Variants in PEX16 observed in about 807,000 individuals in gnomAD.
The protein encoded by PEX16 is peroxin 16.
In PEX16, 37 loss-of-function variants were observed where a neutral mutation model predicts 50.5. The ratio of observed to expected loss-of-function variants is 0.73; its 90% CI spans 0.56 to 0.96. The LOEUF (loss-of-function observed/expected upper bound fraction) is 0.96. PEX16 is among the 40% of genes least tolerant of loss of function. The pLI is 0.00. For missense variants in PEX16, 401 were observed against 438.3 expected (o/e 0.91, Z 0.76); for synonymous variants, 185 against 190.3 (o/e 0.97, Z 0.23).
At position 45,909,983 on chromosome 11, in the gene PEX16, A is replaced by C. The variant is rs1484702154; in HGVS notation, c.*271T>G. On this transcript the variant is annotated 3_prime_UTR_variant, in exon 11 of 11. Coordinates refer to ENST00000378750, the MANE Select transcript of PEX16 (RefSeq NM_004813.4). The stretch of plus-strand genomic sequence containing the variant: ...TTCCCGGGCTCCATGAGGTGAAGTC[A>C]CCGCTTTCTGTGGGAGAGGAGCCTG... 12 of 1,058,364 alleles carry C rather than the reference A, an allele frequency of 1.1e-5. No individual in the cohort carries two copies. In the Admixed American group the frequency reaches 2.1e-4, roughly 18 times the overall value. 65.6% of individuals were successfully genotyped at this position (1,058,364 alleles called of 1,614,324 possible).
At chr11:45,911,052 G>T in intron 9 of PEX16, 90 bp from the exon 10 acceptor site, 1 of 887,356 alleles carries the variant, frequency 1.1e-6, no homozygotes, top group Non-Finnish European at 1.9e-6. Flanking sequence ...ACTGACCACC[G>T]TGCCGAATGC....
chr11:45,917,850 C>T lies in PEX16; in HGVS notation c.-39G>A, dbSNP rs1185968115. The stretch of plus-strand genomic sequence containing the variant: ...CCGACAGACCCACAGAAGGACCGTA[C>T]GACAGGCTGCGGCGCCCTGCTTCCT... On this transcript the variant is annotated 5_prime_UTR_variant, in exon 1 of 11. Coordinates refer to ENST00000378750, the MANE Select transcript of PEX16 (RefSeq NM_004813.4). The T allele has an allele frequency of 5.0e-6, 7 of 1,412,660 alleles. No homozygotes were observed. The highest frequency in any genetic ancestry group is 6.8e-6 in the Non-Finnish European group (7 of 1,034,654). The allele number at this position is 1,412,660 out of a possible 1,614,324, so 87.5% of individuals were successfully genotyped here.
Position 45,914,697 on chromosome 11 carries a change from G to A in PEX16, c.461-13C>T. On this transcript the variant is annotated splice_polypyrimidine_tract_variant and intron_variant, in intron 5 of 10. Coordinates refer to ENST00000378750, the MANE Select transcript of PEX16 (RefSeq NM_004813.4). ...CTGTGGTCACCATCTAGCAGGGATAGACAGAAGGCCATACAGTCAGAGGGA... is the reference window on the plus strand; with the variant it reads ...CTGTGGTCACCATCTAGCAGGGATAAACAGAAGGCCATACAGTCAGAGGGA... 1 of 1,610,354 alleles carries A rather than the reference G, an allele frequency of 6.2e-7. No homozygotes were observed.
Position 45,914,693 on chromosome 11 carries a change from G to C in PEX16, c.461-9C>G, listed in dbSNP as rs753312075. On this transcript the variant is annotated splice_polypyrimidine_tract_variant and intron_variant, in intron 5 of 10. Transcript: ENST00000378750. Reference sequence around the variant, plus strand: ...AGGGCTGTGGTCACCATCTAGCAGGGATAGACAGAAGGCCATACAGTCAGA... The same window carrying C: ...AGGGCTGTGGTCACCATCTAGCAGGCATAGACAGAAGGCCATACAGTCAGA... 6.2e-7 allele frequency: 1 copy of C among 1,612,588 alleles called. No homozygotes were observed. The highest frequency in any genetic ancestry group is 1.7e-5 in the Admixed American group (1 of 60,030).
Position 45,910,130 on chromosome 11 carries a change from G to A in PEX16, c.*124C>T, listed in dbSNP as rs1383340142. The A allele has an allele frequency of 1.2e-6, 2 of 1,611,826 alleles. No individual in the cohort carries two copies. Among genetic ancestry groups the A allele is most frequent in the Non-Finnish European group, 1.7e-6 (2 of 1,179,912 alleles). ...AGGAACGCTGGTGGCGACCAGGGCT[G>A]TGTGTGGGGCCTGGCCGGTAGGCAC... is the stretch of plus-strand genomic sequence containing the variant. On this transcript the variant is annotated 3_prime_UTR_variant, in exon 11 of 11. Coordinates refer to ENST00000378750, the MANE Select transcript of PEX16 (RefSeq NM_004813.4).
Position 45,910,201 on chromosome 11 carries a change from G to C in PEX16, c.*53C>G, listed in dbSNP as rs369974509. The C allele has an allele frequency of 4.5e-5, 73 of 1,612,900 alleles. No individual in the cohort carries two copies. Among genetic ancestry groups the C allele is most frequent in the Admixed American group, 2.5e-4 (15 of 60,012 alleles). On this transcript the variant is annotated 3_prime_UTR_variant, in exon 11 of 11. Transcript: ENST00000378750. Reference sequence around the variant, plus strand: ...CGCTGCCGGAGTCAGTTTTATTAGGGAAGAGGGGCTCCCTGCCCCACCCCT... The same window carrying C: ...CGCTGCCGGAGTCAGTTTTATTAGGCAAGAGGGGCTCCCTGCCCCACCCCT...
intron 2 of PEX16, 98 bp from the exon 3 acceptor site, chr11:45,916,401 C>T (rs1565082315): frequency 1.1e-6 from 1 of 915,246 alleles, no homozygotes; most frequent in Non-Finnish European, 1.8e-6. Flanking sequence ...ACATGCTCTG[C>T]TCAGACACCC....
upstream of PEX16, chr11:45,918,037 G>A (rs1018784825): frequency 1.5e-5 from 9 of 608,698 alleles, no homozygotes; most frequent in Non-Finnish European, 2.7e-5. Context: ...CCCAAACCCG[G>A]CCCCCTACTC....
upstream of PEX16, chr11:45,918,423 T>C: frequency 5.7e-6 from 1 of 174,316 alleles, no homozygotes; most frequent in Non-Finnish European, 1.3e-5. Context: ...CTGGGGAAAC[T>C]GAGGCAGTAA....
intron 1 of PEX16, 40 bp from the exon 2 acceptor site, chr11:45,917,533 G>A (rs1285234930): frequency 1.9e-6 from 3 of 1,610,588 alleles, no homozygotes; most frequent in South Asian, 1.1e-5. Flanking sequence ...GTGAGCATCT[G>A]CCTCACATTT....
chr11:45,914,209 G>A lies in PEX16; in HGVS notation c.695-6C>T, dbSNP rs372182266. The A allele has an allele frequency of 4.6e-4, 735 of 1,613,262 alleles. No homozygotes were observed. Among genetic ancestry groups the A allele is most frequent in the Non-Finnish European group, 5.8e-4 (688 of 1,179,746 alleles). On this transcript the variant is annotated splice_region_variant and splice_polypyrimidine_tract_variant and intron_variant, in intron 7 of 10. Coordinates refer to ENST00000378750, the MANE Select transcript of PEX16 (RefSeq NM_004813.4). ...CCACAGGCCCAGGCTGAGCACTGAC[G>A]GCCAAGGCGTCAAGGATGTCTCCAG... is the stretch of plus-strand genomic sequence containing the variant.
chr11:45,910,260 C>A lies in PEX16; in HGVS notation c.1005G>T (p.Trp335Cys). The A allele has an allele frequency of 6.2e-7, 1 of 1,613,836 alleles. No individual in the cohort carries two copies. Among genetic ancestry groups the A allele is most frequent in the Non-Finnish European group, 8.5e-7 (1 of 1,179,924 alleles). The change falls in exon 11 of 11, where the codon TGG becomes TGT. Residue 335 changes from tryptophan (W) to cysteine (C), a missense_variant. Trp to Cys is a radical substitution (Grantham distance 215). Coordinates refer to ENST00000378750, the MANE Select transcript of PEX16 (RefSeq NM_004813.4). ...PTWQKIYFYSWG is the reference protein window; with the variant it reads ...PTWQKIYFYSCG ...CCTCCTTCCGGGAGGTCTGTCAGCCCCAACTGTAGAAGTAGATTTTCTGCC... is the reference window on the plus strand; with the variant it reads ...CCTCCTTCCGGGAGGTCTGTCAGCCACAACTGTAGAAGTAGATTTTCTGCC...
chr11:45,910,367 C>T (rs977816019), intron 10 of PEX16, 55 bp from the exon 11 acceptor site: 10 of 1,422,518 alleles, frequency 7.0e-6, no homozygotes, highest in African/African-American at 2.8e-5. Context: ...TGCACTGTGG[C>T]GCCACATACA....
chr11:45,915,865 G>A (rs1431581309), intron 3 of PEX16, 29 bp from the exon 4 acceptor site: 1 of 1,612,206 alleles, frequency 6.2e-7, no homozygotes. Flanking sequence ...AAGAAGTCAG[G>A]GGGCCTGGGA....
At chr11:45,915,424 G>A (rs372850419) in intron 5 of PEX16, 44 bp downstream of exon 5, 16 of 1,460,422 alleles carry the variant, frequency 1.1e-5, no homozygotes, top group Admixed American at 1.7e-5. Flanking sequence ...CCTCAAGTTA[G>A]TCCCATGGCC....
chr11:45,915,618 A>C (rs766072685), intron 4 of PEX16, 50 bp from the exon 5 acceptor site: 1 of 1,612,684 alleles, frequency 6.2e-7, no homozygotes, highest in African/African-American at 1.3e-5. Context: ...AGCCGGCGGG[A>C]GGCCAGGGAT....
At chr11:45,915,640 C>T (rs373617483) in intron 4 of PEX16, 63 bp downstream of exon 4, 11 of 1,612,910 alleles carry the variant, frequency 6.8e-6, no homozygotes, top group East Asian at 6.7e-5. Context: ...CTCTGCTGAG[C>T]ACCATCTGTG....
intron 5 of PEX16, 144 bp downstream of exon 5, chr11:45,915,324 C>T: frequency 3.1e-6 from 2 of 653,048 alleles, no homozygotes; most frequent in South Asian, 1.8e-5. Flanking sequence ...TCTTCTCTGT[C>T]GAATACATGG....
intron 5 of PEX16, 120 bp downstream of exon 5, chr11:45,915,348 T>C (rs1253173418): frequency 1.4e-5 from 10 of 730,274 alleles, no homozygotes; most frequent in East Asian, 5.1e-5. Flanking sequence ...TGAGAACACA[T>C]AGTTGATAGG....
Sources: gnomAD v4.1 joint callset for allele counts on GRCh38, gnomAD v4.1.1 for gene constraint, MANE v1.5 for transcripts, NCBI Gene and HGNC (gene_info 2026-07-23, HGNC 2026-07-21) for gene names.